ZFYVE9: variants seen among roughly 807,000 people sequenced by gnomAD.
The protein encoded by ZFYVE9 is zinc finger FYVE domain-containing protein 9.
ZFYVE9 carries 43 observed loss-of-function variants against 126.7 expected under a neutral mutation model. That is an observed-to-expected ratio of 0.34 (90% CI 0.27 to 0.44). The LOEUF (loss-of-function observed/expected upper bound fraction) is 0.44, where lower values mean the gene tolerates loss of function less well. Among genes scored for constraint, ZFYVE9 ranks in the 20% least tolerant of loss-of-function variants. The pLI, the probability that ZFYVE9 is intolerant of heterozygous loss-of-function variation, is 1.00. For missense variants in ZFYVE9, 1,476 were observed against 1,697.0 expected (o/e 0.87, Z 2.29); for synonymous variants, 521 against 597.4 (o/e 0.87, Z 1.87).
At chr1:52,302,866 T>C (rs1646048503) in intron 12 of ZFYVE9, among the ~76,000 whole-genome samples, 1 of 152,070 alleles carries the variant, frequency 6.6e-6, no homozygotes, top group East Asian at 1.9e-4. Flanking sequence ...TTGTAGCACT[T>C]TGAGAGACCG....
rs1035263192 is a variant in ZFYVE9, at chr1:52,278,186, A to G, written c.2747-306A>G. ...TTTATTATGTGAAATTCTTGTTATA[A>G]TAGTTGGAAAATTTTTATTAAATAG... On this transcript the variant is annotated intron_variant, in intron 8 of 18. Transcript: ENST00000287727. Among the ~76,000 whole-genome samples, 3 of 149,938 alleles carry G rather than the reference A, an allele frequency of 2.0e-5. No individual in the cohort carries two copies. In the South Asian group the frequency reaches 6.5e-4, roughly 32 times the overall value.
chr1:52,246,535 GTT>G (rs560515648), intron 4 of ZFYVE9, among the ~76,000 whole-genome samples: 4 of 136,590 alleles, frequency 2.9e-5, no homozygotes, highest in Admixed American at 7.4e-5. Context: ...TTTTTCCTGG[GTT>G]TTTTTTTTTT....
At chr1:52,220,079 C>A (rs1468038067) in intron 2 of ZFYVE9, among the ~76,000 whole-genome samples, 1 of 152,072 alleles carries the variant, frequency 6.6e-6, no homozygotes, top group African/African-American at 2.4e-5. Flanking sequence ...CCCTGCCAGG[C>A]CAAGATCTTT....
rs147020896 is a variant in ZFYVE9 at position 52,237,185 on chromosome 1, G to C, written c.71-303G>C. Among the ~76,000 whole-genome samples, 599 of 152,112 alleles carry C rather than the reference G, an allele frequency of 3.9e-3. 12 individuals are homozygous for C. The South Asian group carries it at 0.044, about 11-fold the overall frequency. ...TTAGATTAGCACCTGTCCTGGCTTT[G>C]CTCAATCCAAGGGTGCTTTCCCCTC... On this transcript the variant is annotated intron_variant, in intron 3 of 18. Coordinates refer to ENST00000287727, the MANE Select transcript of ZFYVE9 (RefSeq NM_004799.4).
At chr1:52,214,004 C>T (rs1395767056) in intron 1 of ZFYVE9, among the ~76,000 whole-genome samples, 7 of 152,120 alleles carry the variant, frequency 4.6e-5, no homozygotes, top group Non-Finnish European at 1.0e-4. Context: ...TAACTTTCCC[C>T]TTCATCCTGC....
intron 1 of ZFYVE9, among the ~76,000 whole-genome samples, chr1:52,171,158 C>A (rs567118817): frequency 6.6e-6 from 1 of 152,022 alleles, no homozygotes; most frequent in Non-Finnish European, 1.5e-5. Flanking sequence ...CCGCTCCCCC[C>A]ACCCCACAAC....
intron 2 of ZFYVE9, among the ~76,000 whole-genome samples, chr1:52,232,220 G>C (rs1645230046): frequency 6.6e-6 from 1 of 152,066 alleles, no homozygotes; most frequent in African/African-American, 2.4e-5. Flanking sequence ...TTTCAGTTTG[G>C]AAAGAAAAAT....
Position 52,238,343 on chromosome 1 carries a change from C to T in ZFYVE9, c.926C>T (p.Ser309Phe), listed in dbSNP as rs976038153. The T allele has an allele frequency of 6.2e-7, 1 of 1,613,784 alleles. No homozygotes were observed. Among genetic ancestry groups the T allele is most frequent in the Non-Finnish European group, 8.5e-7 (1 of 1,179,962 alleles). The change falls in exon 4 of 19, where the codon TCC becomes TTC. Residue 309 changes from serine to phenylalanine, a missense_variant. Coordinates refer to ENST00000287727, the MANE Select transcript of ZFYVE9 (RefSeq NM_004799.4). Reference sequence around the variant, plus strand: ...AGGACAGATCTAGGGAGTCCAAATTCCTTTTCCCACATGAGTGAGGGGATT... The same window carrying T: ...AGGACAGATCTAGGGAGTCCAAATTTCTTTTCCCACATGAGTGAGGGGATT... ...SPRTDLGSPNSFSHMSEGILM... is the reference protein window; with the variant it reads ...SPRTDLGSPNFFSHMSEGILM...
intron 1 of ZFYVE9, among the ~76,000 whole-genome samples, chr1:52,177,779 G>A (rs1446391824): frequency 3.3e-5 from 5 of 152,184 alleles, no homozygotes; most frequent in East Asian, 1.9e-4. Context: ...GGGCACAAAC[G>A]TGTAGCAGTA....
intron 2 of ZFYVE9, among the ~76,000 whole-genome samples, chr1:52,225,611 A>G (rs1021969786): frequency 1.1e-4 from 17 of 152,124 alleles, no homozygotes; most frequent in African/African-American, 4.1e-4. Flanking sequence ...AACTTTTCCA[A>G]ATAGGGTAAA....
At chr1:52,336,131 CTT>C (rs1646386229) in intron 15 of ZFYVE9, among the ~76,000 whole-genome samples, 1 of 148,298 alleles carries the variant, frequency 6.7e-6, no homozygotes, top group East Asian at 2.0e-4. Context: ...GAGACTCTAT[CTT>C]TAAAAAAAAA....
chr1:52,328,138 A>G (rs1646309560), intron 13 of ZFYVE9, among the ~76,000 whole-genome samples: 1 of 152,178 alleles, frequency 6.6e-6, no homozygotes, highest in African/African-American at 2.4e-5. Context: ...GAGATTCTGA[A>G]TGGAGGACAA....
chr1:52,150,851 C>G (rs1644350252), intron 1 of ZFYVE9, among the ~76,000 whole-genome samples: 1 of 151,516 alleles, frequency 6.6e-6, no homozygotes, highest in African/African-American at 2.4e-5. Flanking sequence ...TTTATACAAA[C>G]TTTAATCTCC....
intron 13 of ZFYVE9, among the ~76,000 whole-genome samples, chr1:52,323,345 A>T (rs543694709): frequency 4.0e-5 from 6 of 151,754 alleles, no homozygotes; most frequent in African/African-American, 1.2e-4. Flanking sequence ...TCCATGTTTT[A>T]TTTTTCTCTG....
chr1:52,254,455 C>A (rs900736103), intron 4 of ZFYVE9, among the ~76,000 whole-genome samples: 1 of 151,128 alleles, frequency 6.6e-6, no homozygotes, highest in African/African-American at 2.4e-5. Flanking sequence ...TCTGGGAGGC[C>A]GAGGCAGGCA....
At chr1:52,145,685 ATTTC>A (rs1274157264) in intron 1 of ZFYVE9, among the ~76,000 whole-genome samples, 1 of 152,132 alleles carries the variant, frequency 6.6e-6, no homozygotes, top group Non-Finnish European at 1.5e-5. Context: ...ATAAATGTAC[ATTTC>A]TTTCTTCCTT....
chr1:52,331,348 G>A (rs1024736556), intron 13 of ZFYVE9, among the ~76,000 whole-genome samples: 1 of 152,032 alleles, frequency 6.6e-6, no homozygotes, highest in Non-Finnish European at 1.5e-5. Flanking sequence ...TAGGTGGCAT[G>A]TGCCTATATA....
chr1:52,283,626 C>G (rs1645825742), intron 10 of ZFYVE9, among the ~76,000 whole-genome samples: 1 of 152,104 alleles, frequency 6.6e-6, no homozygotes, highest in Non-Finnish European at 1.5e-5. Context: ...TTGGATGATT[C>G]CATTTATATG....
Position 52,293,468 on chromosome 1 carries a change from A to G in ZFYVE9, c.3041A>G (p.Asn1014Ser). ...RDALAGNVVS[N>S]LGHSFFSQSF... ...TTGTTTTTAGGGAATGTGGTGAGCA[A>G]CTTGGGACATTCCTTCTTCAGTCAA... Residue 1014 changes from asparagine (N) to serine (S), a missense_variant, in exon 11 of 19, where the codon AAC becomes AGC. This residue lies in a region of ZFYVE9 where 669 missense variants were observed against 902.4 expected (regional missense o/e 0.74). Transcript: ENST00000287727. 2 of 1,613,836 alleles carry G rather than the reference A, an allele frequency of 1.2e-6. No homozygotes were observed. The highest frequency in any genetic ancestry group is 1.7e-6 in the Non-Finnish European group (2 of 1,179,876).
Sources: allele counts gnomAD v4.1 joint callset (sites outside exome capture counted in the v4.1 genomes callset), GRCh38; gene constraint gnomAD v4.1.1; regional missense constraint gnomAD v4.1.1; transcripts MANE v1.5; gene names NCBI Gene and HGNC (gene_info 2026-07-23, HGNC 2026-07-21).